Variants in MYCBP2 observed in about 807,000 individuals in gnomAD.
The protein encoded by MYCBP2 is MYC binding protein 2, also known as E3 ubiquitin-protein ligase MYCBP2.
Under a neutral mutation model 525.3 loss-of-function variants are expected in MYCBP2, and 120 were observed. The observed-to-expected ratio is 0.23, with a 90% CI of 0.20 to 0.27. The LOEUF is 0.27. MYCBP2 is among the 10% of genes least tolerant of loss of function. The pLI, the probability that MYCBP2 is intolerant of heterozygous loss-of-function variation, is 1.00. For synonymous variants in MYCBP2, 1,894 were observed against 1,955.8 expected, an observed-to-expected ratio of 0.97 and a Z score of 0.83; for missense variants, 4,149 against 5,657.1, an observed-to-expected ratio of 0.73 and a Z score of 8.55.
At position 77,150,815 on chromosome 13, in the gene MYCBP2, C is replaced by T. The variant is rs1351367610; in HGVS notation, c.7050G>A (p.Gly2350=). 1 of 1,614,148 alleles carries T rather than the reference C, an allele frequency of 6.2e-7. No homozygotes were observed. Among genetic ancestry groups the T allele is most frequent in the South Asian group, 1.1e-5 (1 of 91,082 alleles). ...AAACATCTAGCTTTGGTGATGCCAG[C>T]CCTCCATAAGTCATGTCAGTATTAG... ...ASSNTDMTYG[G]LASPKLDVSY... The change falls in exon 47 of 83, where the codon GGG becomes GGA. Residue 2350 remains glycine (G), a synonymous_variant. Transcript: ENST00000544440.
At chr13:77,268,825 T>C (rs1393598993) in intron 7 of MYCBP2, among the ~76,000 whole-genome samples, 1 of 152,110 alleles carries the variant, frequency 6.6e-6, no homozygotes, top group Admixed American at 6.6e-5. Flanking sequence ...CAATAGGTGA[T>C]ACAGTAGAAT....
intron 15 of MYCBP2, among the ~76,000 whole-genome samples, chr13:77,248,386 A>T (rs2070455480): frequency 1.3e-5 from 2 of 152,154 alleles, no homozygotes; most frequent in South Asian, 4.1e-4. Flanking sequence ...TTAATATTCA[A>T]ACTATATAGA....
At chr13:77,256,241 C>T (rs9600844) in intron 14 of MYCBP2, among the ~76,000 whole-genome samples, 6,079 of 152,028 alleles carry the variant, frequency 0.04, 419 homozygotes, top group African/African-American at 0.14. Flanking sequence ...AGATAATATA[C>T]GCCAGAAAGA....
intron 55 of MYCBP2, chr13:77,118,630 A>G (rs1201792049): frequency 3.5e-6 from 2 of 570,260 alleles, no homozygotes; most frequent in South Asian, 2.3e-5. Flanking sequence ...AATGAGTGAA[A>G]ATTGGTGACT....
intron 36 of MYCBP2, among the ~76,000 whole-genome samples, chr13:77,175,722 A>C (rs1013193977): frequency 6.6e-6 from 1 of 152,168 alleles, no homozygotes; most frequent in African/African-American, 2.4e-5. Context: ...GAACTTTGGG[A>C]GGCCAAGCGG....
At chr13:77,290,869 T>C (rs2077394648) in intron 2 of MYCBP2, among the ~76,000 whole-genome samples, 1 of 152,308 alleles carries the variant, frequency 6.6e-6, no homozygotes, top group Middle Eastern at 3.4e-3. Flanking sequence ...GCATTCATAC[T>C]GAAATCATCT....
intron 23 of MYCBP2, among the ~76,000 whole-genome samples, chr13:77,207,629 A>T (rs1483112112): frequency 6.6e-6 from 1 of 152,068 alleles, no homozygotes; most frequent in African/African-American, 2.4e-5. Context: ...AAAAAATTTT[A>T]AATTATTTTT....
At chr13:77,114,861 AGT>A (rs2049446317) in intron 55 of MYCBP2, among the ~76,000 whole-genome samples, 1 of 152,022 alleles carries the variant, frequency 6.6e-6, no homozygotes, top group African/African-American at 2.4e-5. Context: ...AATAAATAAA[AGT>A]TGAAAAATGA....
chr13:77,173,939 C>A (rs1289396977), intron 37 of MYCBP2, among the ~76,000 whole-genome samples: 1 of 152,144 alleles, frequency 6.6e-6, no homozygotes, highest in Non-Finnish European at 1.5e-5. Context: ...CAAGGCAACA[C>A]CACTATCTGA....
At chr13:77,319,678 G>A (rs1488964689) in intron 1 of MYCBP2, among the ~76,000 whole-genome samples, 1 of 152,154 alleles carries the variant, frequency 6.6e-6, no homozygotes, top group South Asian at 2.1e-4. Context: ...GCACTCACCA[G>A]TGCATTCCCT....
intron 16 of MYCBP2, 144 bp from the exon 17 acceptor site, chr13:77,243,304 C>T (rs1356009608): frequency 1.4e-6 from 1 of 708,098 alleles, no homozygotes; most frequent in African/African-American, 1.8e-5. Context: ...TAATTCTTAG[C>T]CAAAAAGGGA....
At chr13:77,316,500 C>A (rs1329617398) in intron 1 of MYCBP2, among the ~76,000 whole-genome samples, 1 of 152,206 alleles carries the variant, frequency 6.6e-6, no homozygotes, top group African/African-American at 2.4e-5. Flanking sequence ...TGGGCAGGGG[C>A]TCTGGGTTCC....
At position 77,154,109 on chromosome 13, in the gene MYCBP2, C is replaced by A. The variant is rs9635012; in HGVS notation, c.6915+1949G>T. On this transcript the variant is annotated intron_variant, in intron 46 of 82. Coordinates refer to ENST00000544440, the MANE Select transcript of MYCBP2 (RefSeq NM_015057.5). ...TGAACAGTCTAAAGTGCTCCTAAGA[C>A]TTCATATACTAATAGGCTGAAAGTA... Among the ~76,000 whole-genome samples, 3 of 152,202 alleles carry A rather than the reference C, an allele frequency of 2.0e-5. No homozygotes were observed. In the East Asian group the frequency reaches 5.8e-4, roughly 29 times the overall value.
At chr13:77,143,492 CT>C (rs2055014382) in intron 49 of MYCBP2, among the ~76,000 whole-genome samples, 9 of 152,302 alleles carry the variant, frequency 5.9e-5, no homozygotes, top group Middle Eastern at 3.4e-3. Context: ...ATTCTCAGAC[CT>C]TTGGCCTCAG....
In MYCBP2 at chr13:77,140,836, C is replaced by T. The variant is rs370768841; in HGVS notation, c.7401+10G>A. ...GAATGATTCCGGCTCTCAATTCATT[C>T]TGCCCTAACCTTATTAGGCTGAGGT... On this transcript the variant is annotated intron_variant, in intron 50 of 82. Transcript: ENST00000544440. 20 of 1,584,598 alleles carry T rather than the reference C, an allele frequency of 1.3e-5. No individual in the cohort carries two copies. Among genetic ancestry groups the T allele is most frequent in the Admixed American group, 1.8e-5 (1 of 54,802 alleles).
intron 42 of MYCBP2, 56 bp downstream of exon 42, chr13:77,165,217 C>T (rs1393010859): frequency 6.9e-7 from 1 of 1,443,502 alleles, no homozygotes; most frequent in Admixed American, 1.8e-5. Flanking sequence ...GCACAACTCA[C>T]TAGCCCTTAG....
At chr13:77,256,430 A>G (rs2072208756) in intron 14 of MYCBP2, among the ~76,000 whole-genome samples, 1 of 152,098 alleles carries the variant, frequency 6.6e-6, no homozygotes. Flanking sequence ...CTCAAAAATA[A>G]AAAATCTAAA....
At chr13:77,047,923 G>C (rs1415439938) in intron 82 of MYCBP2, among the ~76,000 whole-genome samples, 2 of 152,056 alleles carry the variant, frequency 1.3e-5, no homozygotes, top group East Asian at 3.9e-4. Context: ...GGAGCATCCT[G>C]TTTGGGCCCC....
intron 26 of MYCBP2, among the ~76,000 whole-genome samples, chr13:77,201,245 A>T (rs2062502035): frequency 6.7e-6 from 1 of 149,726 alleles, no homozygotes; most frequent in Non-Finnish European, 1.5e-5. Flanking sequence ...TTGCAATCCT[A>T]GTCTCTGATA....
Sources: gnomAD v4.1 joint callset for allele counts (sites outside exome capture counted in the v4.1 genomes callset) on GRCh38, gnomAD v4.1.1 for gene constraint, MANE v1.5 for transcripts, NCBI Gene and HGNC (gene_info 2026-07-23, HGNC 2026-07-21) for gene names.